Variants in PDE7B observed in about 807,000 individuals in gnomAD.
PDE7B encodes the protein 3',5'-cyclic-AMP phosphodiesterase 7B.
A neutral mutation model predicts 56.2 loss-of-function variants in PDE7B; 29 were observed. The observed-to-expected ratio is 0.52, with a 90% CI of 0.38 to 0.70. PDE7B has a LOEUF of 0.70. Ranked by LOEUF, PDE7B falls within the 30% of genes least tolerant of loss-of-function variation. The probability of loss-of-function intolerance (pLI) is 0.00; values close to 1 mark genes in which losing one functional copy is unlikely to be tolerated. For missense variants in PDE7B, 490 were observed against 565.0 expected (o/e 0.87, Z 1.35); for synonymous variants, 197 against 196.9 (o/e 1.00, Z 0.00).
intron 1 of PDE7B, among the ~76,000 whole-genome samples, chr6:135,862,329 T>C (rs979395779): frequency 2.0e-5 from 3 of 151,856 alleles, no homozygotes; most frequent in Non-Finnish European, 4.4e-5. Context: ...TTATAGGTGA[T>C]TGATTTTATA....
At chr6:135,950,739 C>T (rs1268231930) in intron 2 of PDE7B, among the ~76,000 whole-genome samples, 2 of 152,132 alleles carry the variant, frequency 1.3e-5, no homozygotes, top group East Asian at 3.8e-4. Flanking sequence ...GCCAGGGACT[C>T]CATTTGCATT....
chr6:136,012,549 T>C (rs889469761), intron 2 of PDE7B: 1 of 152,222 alleles, frequency 6.6e-6, no homozygotes, highest in Non-Finnish European at 1.5e-5. Context: ...GTCTTTTCTA[T>C]TTCCCTGTGA....
intron 2 of PDE7B, among the ~76,000 whole-genome samples, chr6:136,067,830 T>C (rs923901081): frequency 6.6e-6 from 1 of 152,154 alleles, no homozygotes; most frequent in Non-Finnish European, 1.5e-5. Flanking sequence ...TACCGCCAAA[T>C]TGCAAGCATT....
intron 9 of PDE7B, among the ~76,000 whole-genome samples, 160 bp from the exon 10 acceptor site, chr6:136,178,837 G>C (rs951615958): frequency 6.6e-6 from 1 of 152,212 alleles, no homozygotes; most frequent in Non-Finnish European, 1.5e-5. Context: ...TGGTGGGTGG[G>C]AGACTTGCTC....
chr6:136,148,470 A>AAGGAAGGCAGGCAGGC (rs1554282917), intron 4 of PDE7B, among the ~76,000 whole-genome samples: 104 of 130,240 alleles, frequency 8.0e-4, no homozygotes, highest in African/African-American at 3.0e-3. Flanking sequence ...GGAAGGAAGG[A>AAGGAAGGCAGGCAGGC]AGGCAGGCAG....
At chr6:135,872,206 T>A (rs1775395868) in intron 1 of PDE7B, among the ~76,000 whole-genome samples, 1 of 152,204 alleles carries the variant, frequency 6.6e-6, no homozygotes, top group South Asian at 2.1e-4. Context: ...GCCAGTAGCA[T>A]CCTGGTAATT....
chr6:135,928,483 T>TTATATATATATATATATATATA (rs1187835633), intron 1 of PDE7B, among the ~76,000 whole-genome samples: 4 of 96,860 alleles, frequency 4.1e-5, no homozygotes, highest in Non-Finnish European at 8.2e-5. Context: ...ATATATATAT[T>TTATATATATATATATATATATA]TATTTATATA....
intron 1 of PDE7B, among the ~76,000 whole-genome samples, chr6:135,860,143 C>T (rs1182399780): frequency 6.6e-6 from 1 of 151,990 alleles, no homozygotes; most frequent in Admixed American, 6.6e-5. Context: ...TGTCCTGTAA[C>T]TTTCTAGAAC....
intron 2 of PDE7B, among the ~76,000 whole-genome samples, chr6:136,093,865 C>T (rs1474523008): frequency 2.6e-5 from 4 of 152,222 alleles, no homozygotes; most frequent in African/African-American, 9.6e-5. Flanking sequence ...CCTTGAAAAA[C>T]CTTAGATCAT....
At chr6:135,896,238 G>T (rs1188247168) in intron 1 of PDE7B, among the ~76,000 whole-genome samples, 3 of 152,224 alleles carry the variant, frequency 2.0e-5, no homozygotes, top group African/African-American at 7.2e-5. Context: ...AGGTGGATTA[G>T]GGCTGGAGGT....
At chr6:136,018,716 GATA>G (rs1375010219) in intron 2 of PDE7B, among the ~76,000 whole-genome samples, 3 of 152,092 alleles carry the variant, frequency 2.0e-5, no homozygotes, top group East Asian at 3.9e-4. Flanking sequence ...TTTATGGAAA[GATA>G]ATAAATACGT....
intron 2 of PDE7B, among the ~76,000 whole-genome samples, chr6:136,054,925 A>ATTC (rs1374052972): frequency 6.6e-6 from 1 of 152,196 alleles, no homozygotes; most frequent in South Asian, 2.1e-4. Flanking sequence ...CACTATCACG[A>ATTC]GAAGAACACA....
intron 1 of PDE7B, among the ~76,000 whole-genome samples, chr6:135,944,559 G>A (rs1774560175): frequency 1.3e-5 from 2 of 152,158 alleles, no homozygotes; most frequent in South Asian, 4.1e-4. Flanking sequence ...AGACAAGGAA[G>A]AGGACCACCT....
chr6:136,088,822 A>G (rs1467525698), intron 2 of PDE7B, among the ~76,000 whole-genome samples: 1 of 151,816 alleles, frequency 6.6e-6, no homozygotes, highest in Non-Finnish European at 1.5e-5. Flanking sequence ...AAATGAGTGA[A>G]TTGTGTGGTA....
chr6:136,092,592 C>T (rs1259158130), intron 2 of PDE7B, among the ~76,000 whole-genome samples: 2 of 152,180 alleles, frequency 1.3e-5, no homozygotes, highest in Non-Finnish European at 2.9e-5. Flanking sequence ...GAAACCACAA[C>T]TCTACCAAAA....
chr6:135,947,675 T>C lies in PDE7B; in HGVS notation c.82+151T>C, dbSNP rs190311565. 2.5e-4 allele frequency: 156 copies of C among 616,926 alleles called. No individual in the cohort carries two copies. The African/African-American group carries it at 2.6e-3, about 10-fold the overall frequency. 38.2% of individuals were successfully genotyped at this position (616,926 alleles called of 1,614,324 possible). A position where few individuals can be genotyped will look rare whatever the true frequency, so the allele number is the denominator to read the frequency against. On this transcript the variant is annotated intron_variant, in intron 2 of 12. Transcript: ENST00000308191. ...CAGACAGCTATAACACATTTATATG[T>C]GTAACACTTGATGATGAGAAAAGGT...
chr6:136,035,555 T>C (rs1776313432), intron 2 of PDE7B, among the ~76,000 whole-genome samples: 1 of 152,236 alleles, frequency 6.6e-6, no homozygotes, highest in Admixed American at 6.5e-5. Context: ...TTTGCCCTTA[T>C]ACTCCAGGAT....
At position 136,191,861 on chromosome 6, in the gene PDE7B, C is replaced by T. The variant is rs1472001952; in HGVS notation, c.*21C>T. ...CCTAGGGGCCGGCCCAACTTAGACG[C>T]GGCTCTCCTCCGGCAGGGCCCCCAG... On this transcript the variant is annotated 3_prime_UTR_variant, in exon 13 of 13. Coordinates refer to ENST00000308191, the MANE Select transcript of PDE7B (RefSeq NM_018945.4). The T allele has an allele frequency of 1.3e-6, 2 of 1,530,036 alleles. No homozygotes were observed. The highest frequency in any genetic ancestry group is 1.8e-6 in the Non-Finnish European group (2 of 1,130,866). The allele number at this position is 1,530,036 out of a possible 1,614,324, so 94.8% of individuals were successfully genotyped here.
chr6:135,890,229 G>A (rs890866707), intron 1 of PDE7B, among the ~76,000 whole-genome samples: 8 of 152,148 alleles, frequency 5.3e-5, no homozygotes, highest in Admixed American at 3.9e-4. Context: ...GATTTCTGAA[G>A]AAACATAATG....
Sources: gnomAD v4.1 joint callset for allele counts (sites outside exome capture counted in the v4.1 genomes callset) on GRCh38, gnomAD v4.1.1 for gene constraint, MANE v1.5 for transcripts, NCBI Gene and HGNC (gene_info 2026-07-23, HGNC 2026-07-21) for gene names.